GRIA3: variants seen among roughly 807,000 people sequenced by gnomAD.
The protein encoded by GRIA3 is glutamate receptor 3.
A neutral mutation model predicts 63.0 loss-of-function variants in GRIA3; 3 were observed. That is an observed-to-expected ratio of 0.05 (90% CI 0.02 to 0.12). GRIA3 has a LOEUF of 0.12. GRIA3 is among the 10% of genes least tolerant of loss of function. The pLI is 1.00. For missense variants in GRIA3, 347 were observed against 700.9 expected, an observed-to-expected ratio of 0.50 and a Z score of 5.70; for synonymous variants, 274 against 257.9, an observed-to-expected ratio of 1.06 and a Z score of -0.60.
intron 3 of GRIA3, among the ~76,000 whole-genome samples, chrX:123,313,057 C>T (rs2044806964): frequency 1.0e-5 from 1 of 98,311 alleles, no homozygotes; most frequent in African/African-American, 3.6e-5. Context: ...TTCAGCCACT[C>T]TTTCTGGAAC....
chrX:123,338,106 C>T (rs1258901678), intron 4 of GRIA3, among the ~76,000 whole-genome samples: 2 of 111,754 alleles, frequency 1.8e-5, no homozygotes, highest in East Asian at 5.6e-4. Flanking sequence ...CATCTCCCAA[C>T]AGAGCCATTA....
In GRIA3 at chrX:123,323,604, A is replaced by G. The variant is rs191044317; in HGVS notation, c.509-2422A>G. On this transcript the variant is annotated intron_variant, in intron 3 of 15. Transcript: ENST00000620443. Reference sequence around the variant, plus strand: ...TTCAGAAAGGTCTGCAGGTGTAGACAGATGTGCCTGTTAAGTGGACAGACA... The same window carrying G: ...TTCAGAAAGGTCTGCAGGTGTAGACGGATGTGCCTGTTAAGTGGACAGACA... Among the ~76,000 whole-genome samples, 396 of 112,241 alleles carry G rather than the reference A, an allele frequency of 3.5e-3. 3 individuals are homozygous for G. The highest frequency in any genetic ancestry group is 0.012 in the African/African-American group (369 of 30,882).
intron 6 of GRIA3, among the ~76,000 whole-genome samples, chrX:123,397,174 C>T (rs1047218483): frequency 4.1e-4 from 46 of 111,780 alleles, no homozygotes; most frequent in African/African-American, 1.4e-3. Flanking sequence ...ATAAGTAAAA[C>T]CCTTTAAATA....
chrX:123,337,934 GA>G (rs1206912879), intron 4 of GRIA3, among the ~76,000 whole-genome samples: 14 of 111,643 alleles, frequency 1.3e-4, no homozygotes, highest in African/African-American at 4.6e-4. Context: ...GTGCAAAGGG[GA>G]AAAAAACACC....
At chrX:123,370,417 CATGCTTTGAATCACATTAG>C (rs2147360569) in intron 5 of GRIA3, among the ~76,000 whole-genome samples, 1 of 112,178 alleles carries the variant, frequency 8.9e-6, no homozygotes, top group African/African-American at 3.2e-5. Flanking sequence ...GAAAAGACAA[CATGCTTTGAATCACATTAG>C]AAGGTACACA....
chrX:123,381,216 G>GA (rs1309815911), intron 5 of GRIA3, among the ~76,000 whole-genome samples: 58 of 111,152 alleles, frequency 5.2e-4, no homozygotes, highest in African/African-American at 1.8e-3. Context: ...AGCCTAAGGA[G>GA]AAAATCTAAC....
chrX:123,354,961 C>A lies in GRIA3; in HGVS notation c.748C>A (p.Leu250Met), dbSNP rs1386393940. The change falls in exon 5 of 16, where the codon CTG (leucine) becomes ATG (methionine). Residue 250 changes from leucine (L) to methionine (M), a missense_variant and splice_region_variant. Transcript: ENST00000620443. ...SRGYHYMLAN[L>M]GFTDILLERV... ...AGGTTATCACTACATGCTCGCTAAC[C>A]TGGTAAGAACAAGCAAGTGTCCCTG... 1 of 1,178,584 alleles carries A rather than the reference C, an allele frequency of 8.5e-7. No individual in the cohort carries two copies. Among genetic ancestry groups the A allele is most frequent in the Non-Finnish European group, 1.2e-6 (1 of 865,340 alleles).
chrX:123,305,372 G>C lies in GRIA3; in HGVS notation c.509-20654G>C, dbSNP rs755719893. 9.9e-5 allele frequency among the ~76,000 whole-genome samples: 11 copies of C among 111,431 alleles called. No individual in the cohort carries two copies. The East Asian group carries it at 3.1e-3, about 31-fold the overall frequency. ...CAAAAACCCACAACCAAATAAATAA[G>C]ATAAAGAAATTAGAGAAATGATGCA... On this transcript the variant is annotated intron_variant, in intron 3 of 15. Transcript: ENST00000620443.
At chrX:123,369,899 G>T (rs937263496) in intron 5 of GRIA3, among the ~76,000 whole-genome samples, 5 of 111,435 alleles carry the variant, frequency 4.5e-5, no homozygotes, top group Non-Finnish European at 9.4e-5. Flanking sequence ...AAAATAATGA[G>T]ATTCTAGGTG....
In GRIA3 at chrX:123,301,859, G is replaced by A. The variant is rs182244915; in HGVS notation, c.509-24167G>A. Among the ~76,000 whole-genome samples the A allele has an allele frequency of 1.5e-3, 168 of 112,129 alleles. 1 individual carries two copies. The highest frequency in any genetic ancestry group is 4.9e-3 in the African/African-American group (151 of 30,993). On this transcript the variant is annotated intron_variant, in intron 3 of 15. Transcript: ENST00000620443. ...GGCCCACACAAGTATTAGGCAATAA[G>A]CTGACAATATTTGAGATAGTGTCTT... is the stretch of plus-strand genomic sequence containing the variant.
rs747882355 is a variant in GRIA3 at position 123,414,870 on chromosome X, C to T, written c.1501-2532C>T. ...AAGTCTTTGCTATTGTGAATAGTGC[C>T]GCAATAAACATACATGTGCATGTGT... is the stretch of plus-strand genomic sequence containing the variant. On this transcript the variant is annotated intron_variant, in intron 10 of 15. Coordinates refer to ENST00000620443, the MANE Select transcript of GRIA3 (RefSeq NM_007325.5). Among the ~76,000 whole-genome samples, 3 of 111,118 alleles carry T rather than the reference C, an allele frequency of 2.7e-5. No homozygotes were observed. In the East Asian group the frequency reaches 8.5e-4, roughly 31 times the overall value.
At chrX:123,211,943 T>G (rs1928052558) in intron 2 of GRIA3, among the ~76,000 whole-genome samples, 1 of 111,882 alleles carries the variant, frequency 8.9e-6, no homozygotes, top group Non-Finnish European at 1.9e-5. Flanking sequence ...AGTATCGTTA[T>G]TGAGCATGGA....
intron 2 of GRIA3, among the ~76,000 whole-genome samples, chrX:123,186,934 A>G: frequency 8.9e-6 from 1 of 112,314 alleles, no homozygotes; most frequent in Admixed American, 9.4e-5. Context: ...AATGGCTAAT[A>G]GCCTGTTGGA....
intron 2 of GRIA3, among the ~76,000 whole-genome samples, chrX:123,228,125 C>T (rs970925981): frequency 1.2e-4 from 13 of 111,798 alleles, no homozygotes; most frequent in South Asian, 3.7e-4. Flanking sequence ...GGACTTGTTG[C>T]GCCAACATTG....
At chrX:123,185,696 C>A in intron 1 of GRIA3, 136 bp from the exon 2 acceptor site, 1 of 544,087 alleles carries the variant, frequency 1.8e-6, no homozygotes. Flanking sequence ...TTGAAAGACA[C>A]ACAGGTTGAA....
intron 3 of GRIA3, among the ~76,000 whole-genome samples, chrX:123,325,174 G>A (rs1169808382): frequency 8.9e-6 from 1 of 112,109 alleles, no homozygotes; most frequent in African/African-American, 3.2e-5. Flanking sequence ...TGTAATATTA[G>A]AGACATGAAG....
chrX:123,246,626 T>C (rs996476469), intron 2 of GRIA3, among the ~76,000 whole-genome samples: 3 of 111,578 alleles, frequency 2.7e-5, no homozygotes, highest in Non-Finnish European at 5.6e-5. Flanking sequence ...GTCCATTGAT[T>C]AGCAGCCTTA....
chrX:123,199,274 ATTTTTT>A (rs5903635), intron 2 of GRIA3, among the ~76,000 whole-genome samples: 1 of 78,631 alleles, frequency 1.3e-5, no homozygotes, highest in African/African-American at 5.1e-5. Flanking sequence ...AGTCTTTTAA[ATTTTTT>A]TTTTTTTTTT....
intron 3 of GRIA3, among the ~76,000 whole-genome samples, chrX:123,290,793 C>T (rs1381189524): frequency 9.0e-6 from 1 of 111,422 alleles, no homozygotes; most frequent in African/African-American, 3.3e-5. Flanking sequence ...TGAATAAAAT[C>T]TGTGAAAGTA....
Sources: allele counts gnomAD v4.1 joint callset (sites outside exome capture counted in the v4.1 genomes callset), GRCh38; gene constraint gnomAD v4.1.1; transcripts MANE v1.5; gene names NCBI Gene and HGNC (gene_info 2026-07-23, HGNC 2026-07-21).